The following GPR19 variants were observed in gnomAD, a reference collection of about 807,000 sequenced individuals.
GPR19 encodes the protein probable G protein-coupled receptor 19.
Under a neutral mutation model 28.5 loss-of-function variants are expected in GPR19, and 14 were observed. The ratio of observed to expected loss-of-function variants is 0.49; its 90% confidence interval spans 0.32 to 0.77. The LOEUF is 0.77. GPR19 is among the 30% of genes least tolerant of loss of function. GPR19 has a pLI of 0.03. For missense variants in GPR19, 409 were observed against 504.1 expected (o/e 0.81, Z 1.81); for synonymous variants, 173 against 184.1 (o/e 0.94, Z 0.49).
At position 12,661,885 on chromosome 12, in the gene GPR19, C is replaced by G. The variant is rs1215293128; in HGVS notation, c.564G>C (p.Trp188Cys). Residue 188 changes from tryptophan (W) to cysteine (C), a missense_variant, in exon 4 of 4, where the codon TGG becomes TGC. By Grantham distance (215) the Trp-to-Cys change is radical (BLOSUM62 -2). Coordinates refer to ENST00000651487, the MANE Select transcript of GPR19 (RefSeq NM_006143.3). The surrounding 1 kb of genome is among the most constrained non-coding windows in gnomAD (Gnocchi z 4.2). Reference sequence around the variant, plus strand: ...GGGTCACAAAGCCTGCATCAAAGACCCACGATGCCGCAATCATTTTCTTGG... The same window carrying G: ...GGGTCACAAAGCCTGCATCAAAGACGCACGATGCCGCAATCATTTTCTTGG... ...EKAKKMIAAS[W>C]VFDAGFVTPV... 2 of 1,614,176 alleles carry G rather than the reference C, an allele frequency of 1.2e-6. No individual in the cohort carries two copies. The highest frequency in any genetic ancestry group is 8.5e-7 in the Non-Finnish European group (1 of 1,180,024).
Position 12,661,256 on chromosome 12 carries a change from T to C in GPR19, c.1193A>G (p.Lys398Arg), listed in dbSNP as rs138857972. The change falls in exon 4 of 4, where the codon AAG becomes AGG. Residue 398 changes from lysine (K) to arginine (R), a missense_variant. By Grantham distance (26) the Lys-to-Arg change is conservative. Coordinates refer to ENST00000651487, the MANE Select transcript of GPR19 (RefSeq NM_006143.3). The surrounding 1 kb of genome is among the most constrained non-coding windows in gnomAD (Gnocchi z 4.2). ...AATGGGCCAAGCAAGCTTTTTTTCC[T>C]TGGCTTCTCTGTCAAATGAGTCATA... ...SIYDSFDREA[K>R]EKKLAWPINS... The C allele has an allele frequency of 2.7e-4, 439 of 1,612,950 alleles. 2 individuals are homozygous for C. In the African/African-American group the frequency reaches 4.9e-3, roughly 18 times the overall value.
intron 2 of GPR19, chr12:12,685,028 AG>A (rs1247766369): frequency 6.6e-6 from 1 of 152,196 alleles, no homozygotes; most frequent in East Asian, 1.9e-4. Context: ...TGCTTGTTAA[AG>A]CCATTTGTCT....
chr12:12,697,051 T>A (rs1242144113), upstream of GPR19, among the ~76,000 whole-genome samples: 5 of 151,792 alleles, frequency 3.3e-5, no homozygotes, highest in Admixed American at 3.3e-4. Flanking sequence ...AATGTAGGCC[T>A]AGTTATGGTA....
Position 12,662,172 on chromosome 12 carries a change from T to A in GPR19, c.277A>T (p.Ser93Cys). 1.2e-6 allele frequency: 2 copies of A among 1,614,208 alleles called. No homozygotes were observed. Among genetic ancestry groups the A allele is most frequent in the Non-Finnish European group, 1.7e-6 (2 of 1,180,034 alleles). ...TTGGTGGTAGACTGAGTCCTCCTAC[T>A]CCTATGGATGACCAAACAAACCAGG... ...NSLVCLVIHR[S>C]RRTQSTTNYF... Residue 93 changes from serine (S) to cysteine (C), a missense_variant, in exon 4 of 4, where the codon AGT (serine) becomes TGT (cysteine). By Grantham distance (112) the Ser-to-Cys change is moderately radical (BLOSUM62 -1). Transcript: ENST00000651487.
At chr12:12,682,973 ATTATAAT>A in intron 3 of GPR19, among the ~76,000 whole-genome samples, 1 of 152,228 alleles carries the variant, frequency 6.6e-6, no homozygotes, top group East Asian at 1.9e-4. Flanking sequence ...TCAGTTTGAT[ATTATAAT>A]TTATATACAT....
intron 3 of GPR19, among the ~76,000 whole-genome samples, chr12:12,673,216 C>G (rs1329802970): frequency 6.6e-6 from 1 of 152,150 alleles, no homozygotes; most frequent in African/African-American, 2.4e-5. Context: ...TGGCCAGTGA[C>G]AAGAGAAAGT....
chr12:12,707,265 C>A, the GPR19 span, among the ~76,000 whole-genome samples: 7 of 152,244 alleles, frequency 4.6e-5, no homozygotes, highest in African/African-American at 1.4e-4. Context: ...CTTCCTTGTT[C>A]ATACAGCATC....
the GPR19 span, among the ~76,000 whole-genome samples, chr12:12,704,757 A>G: frequency 6.6e-6 from 1 of 152,188 alleles, no homozygotes; most frequent in East Asian, 1.9e-4. Flanking sequence ...TGTGCTGTTT[A>G]AACAGCACAG....
the GPR19 span, among the ~76,000 whole-genome samples, chr12:12,707,202 C>T: frequency 6.6e-6 from 1 of 152,226 alleles, no homozygotes; most frequent in African/African-American, 2.4e-5. Flanking sequence ...TTACATGGTC[C>T]ATGCTCTCAT....
intron 3 of GPR19, among the ~76,000 whole-genome samples, chr12:12,673,901 A>T (rs1234854851): frequency 2.6e-5 from 4 of 152,124 alleles, no homozygotes; most frequent in Non-Finnish European, 5.9e-5. Context: ...ATACAACTTT[A>T]GTTGCTGTGT....
chr12:12,665,644 C>G (rs1048211844), intron 3 of GPR19, among the ~76,000 whole-genome samples: 3 of 152,066 alleles, frequency 2.0e-5, no homozygotes, highest in African/African-American at 7.2e-5. Flanking sequence ...CGAGACCATC[C>G]TGGCTAACAC....
the GPR19 span, among the ~76,000 whole-genome samples, chr12:12,709,355 C>T: frequency 6.6e-6 from 1 of 152,290 alleles, no homozygotes; most frequent in South Asian, 2.1e-4. Context: ...GGTCTCTCTT[C>T]TCTGCCCCCT....
chr12:12,692,747 C>T (rs1459682035), intron 2 of GPR19, among the ~76,000 whole-genome samples: 1 of 151,028 alleles, frequency 6.6e-6, no homozygotes, highest in Non-Finnish European at 1.5e-5. Flanking sequence ...TTCTCCTTTG[C>T]TTTCTGAGCA....
the GPR19 span, among the ~76,000 whole-genome samples, chr12:12,710,034 C>G: frequency 5.6e-4 from 86 of 152,216 alleles, no homozygotes; most frequent in East Asian, 9.7e-4. Context: ...TTGCACACCT[C>G]AAGTGTGATG....
At chr12:12,688,008 G>A (rs1384804618) in intron 2 of GPR19, among the ~76,000 whole-genome samples, 1 of 152,176 alleles carries the variant, frequency 6.6e-6, no homozygotes, top group Non-Finnish European at 1.5e-5. Context: ...AATAAATACA[G>A]ACTACTATAG....
At chr12:12,700,326 C>T (rs1435396721), upstream of GPR19, among the ~76,000 whole-genome samples, 1 of 151,662 alleles carries the variant, frequency 6.6e-6, no homozygotes, top group Non-Finnish European at 1.5e-5. Flanking sequence ...AAGCTGGAAT[C>T]ACAGGCATGC....
In GPR19 at chr12:12,661,224, T is replaced by A; in HGVS notation, c.1225A>T (p.Asn409Tyr). Residue 409 changes from asparagine (N) to tyrosine (Y), a missense_variant, in exon 4 of 4, where the codon AAT (asparagine) becomes TAT (tyrosine). By Grantham distance (143) the Asn-to-Tyr change is moderately radical. Coordinates refer to ENST00000651487, the MANE Select transcript of GPR19 (RefSeq NM_006143.3). This position sits in a 1 kb window ranked among gnomAD's most constrained non-coding sequence, Gnocchi z 4.2. Reference sequence around the variant, plus strand: ...ACTTAGACAAAAGTATTTGGTGGATTTGAGTTAATGGGCCAAGCAAGCTTT... The same window carrying A: ...ACTTAGACAAAAGTATTTGGTGGATATGAGTTAATGGGCCAAGCAAGCTTT... The part of the protein sequence containing the change: ...EKKLAWPINS[N>Y]PPNTFV 1 of 1,607,534 alleles carries A rather than the reference T, an allele frequency of 6.2e-7. No homozygotes were observed. Among genetic ancestry groups the A allele is most frequent in the East Asian group, 2.2e-5 (1 of 44,828 alleles).
intron 3 of GPR19, among the ~76,000 whole-genome samples, chr12:12,680,714 A>G (rs1946006175): frequency 6.7e-6 from 1 of 148,818 alleles, no homozygotes; most frequent in Non-Finnish European, 1.5e-5. Context: ...TTTGAGACAG[A>G]GTCTTGCTCT....
In GPR19 at chr12:12,661,197, G is replaced by T. The variant is rs749568985; in HGVS notation, c.*4C>A. 9.4e-6 allele frequency: 15 copies of T among 1,587,808 alleles called. 1 individual carries two copies. The South Asian group carries it at 1.6e-4, about 17-fold the overall frequency. On this transcript the variant is annotated 3_prime_UTR_variant, in exon 4 of 4. Transcript: ENST00000651487. The surrounding 1 kb of genome is among the most constrained non-coding windows in gnomAD (Gnocchi z 4.2). Reference sequence around the variant, plus strand: ...TGGTGCATAACAATTGAAAGAATGAGAACTTAGACAAAAGTATTTGGTGGA... The same window carrying T: ...TGGTGCATAACAATTGAAAGAATGATAACTTAGACAAAAGTATTTGGTGGA...
Sources: allele counts gnomAD v4.1 joint callset (sites outside exome capture counted in the v4.1 genomes callset), GRCh38; gene constraint gnomAD v4.1.1; non-coding constraint Gnocchi (gnomAD v3.1); transcripts MANE v1.5; gene names NCBI Gene and HGNC (gene_info 2026-07-23, HGNC 2026-07-21).